The following ITPR1 variants were observed in gnomAD, a reference collection of about 807,000 sequenced individuals.
ITPR1 encodes inositol 1,4,5-trisphosphate receptor type 1, also known as inositol 1,4,5-trisphosphate-gated calcium channel ITPR1.
ITPR1 carries 96 observed loss-of-function variants against 318.4 expected under a neutral mutation model. The observed-to-expected ratio is 0.30, with a 90% CI of 0.26 to 0.36. ITPR1 has a LOEUF of 0.36. Ranked by LOEUF, ITPR1 falls within the 10% of genes least tolerant of loss-of-function variation. The pLI, the probability that ITPR1 is intolerant of heterozygous loss-of-function variation, is 1.00. For missense variants in ITPR1, 2,440 were observed against 3,460.2 expected (o/e 0.71, Z 7.40); for synonymous variants, 1,312 against 1,289.9 (o/e 1.02, Z -0.37).
At position 4,766,510 on chromosome 3, in the gene ITPR1, CTA is replaced by C; in HGVS notation, c.5545-18_5545-17del. On this transcript the variant is annotated intron_variant, in intron 44 of 61. Coordinates refer to ENST00000649015, the MANE Select transcript of ITPR1 (RefSeq NM_001378452.1). ...TCTGGTCAGTTACAGTGTTCACAAT[CTA>C]TGGATTTTCCTTTGCAGCACTCCTT... 1 of 1,610,882 alleles carries C rather than the reference CTA, an allele frequency of 6.2e-7. No homozygotes were observed. The highest frequency in any genetic ancestry group is 8.5e-7 in the Non-Finnish European group (1 of 1,177,504).
intron 12 of ITPR1, among the ~76,000 whole-genome samples, chr3:4,656,689 C>A (rs1406647764): frequency 6.6e-6 from 1 of 152,244 alleles, no homozygotes; most frequent in African/African-American, 2.4e-5. Context: ...CAGGCTCTCT[C>A]CTTTGCCTTT....
chr3:4,570,941 T>A (rs558827206), intron 4 of ITPR1, among the ~76,000 whole-genome samples: 1 of 152,338 alleles, frequency 6.6e-6, no homozygotes, highest in African/African-American at 2.4e-5. Context: ...TGATCTTGGG[T>A]GAGCTTACCC....
intron 51 of ITPR1, among the ~76,000 whole-genome samples, chr3:4,784,851 C>T (rs917214350): frequency 2.0e-5 from 3 of 151,646 alleles, no homozygotes; most frequent in East Asian, 1.9e-4. Context: ...GGGCCAAGAT[C>T]GCACCACTGC....
At chr3:4,729,990 G>A (rs2125313006) in intron 42 of ITPR1, among the ~76,000 whole-genome samples, 1 of 150,202 alleles carries the variant, frequency 6.7e-6, no homozygotes, top group East Asian at 2.0e-4. Flanking sequence ...GAACAGCTTA[G>A]TGCTGTTGAG....
intron 12 of ITPR1, among the ~76,000 whole-genome samples, chr3:4,655,687 A>G (rs753201072): frequency 1.1e-4 from 16 of 152,180 alleles, no homozygotes; most frequent in East Asian, 1.9e-4. Context: ...AGGCTCCCTC[A>G]GAGTTCAGTG....
intron 43 of ITPR1, 23 bp from the exon 44 acceptor site, chr3:4,735,141 A>G: frequency 6.3e-7 from 1 of 1,599,010 alleles, no homozygotes; most frequent in Non-Finnish European, 8.6e-7. Context: ...GTGCTTAGTA[A>G]AAACAATATT....
At chr3:4,578,258 C>CG (rs1478620391) in intron 4 of ITPR1, among the ~76,000 whole-genome samples, 14 of 152,090 alleles carry the variant, frequency 9.2e-5, no homozygotes, top group African/African-American at 3.4e-4. Flanking sequence ...CTATAGAAAA[C>CG]ATTTTTTTTC....
chr3:4,530,237 G>T (rs2083302286), intron 4 of ITPR1, among the ~76,000 whole-genome samples: 1 of 152,178 alleles, frequency 6.6e-6, no homozygotes, highest in Non-Finnish European at 1.5e-5. Context: ...CTCCTCGCCA[G>T]ATTTTGGAGC....
At chr3:4,840,131 A>T (rs1176549995) in intron 61 of ITPR1, among the ~76,000 whole-genome samples, 1 of 148,186 alleles carries the variant, frequency 6.7e-6, no homozygotes, top group Non-Finnish European at 1.5e-5. Flanking sequence ...AACGTCCTAC[A>T]AACCTTTAAT....
chr3:4,805,589 T>C (rs896965531), intron 54 of ITPR1, among the ~76,000 whole-genome samples: 3 of 152,250 alleles, frequency 2.0e-5, no homozygotes, highest in South Asian at 2.1e-4. Flanking sequence ...ATATTTTTTT[T>C]CCCCCAAGAA....
chr3:4,799,862 C>G (rs56156457), intron 53 of ITPR1: 2 of 152,362 alleles, frequency 1.3e-5, no homozygotes, highest in Non-Finnish European at 2.9e-5. Flanking sequence ...CTGATTCAGG[C>G]AGGGGACCTG....
At chr3:4,609,780 G>A (rs1421743993) in intron 4 of ITPR1, among the ~76,000 whole-genome samples, 3 of 152,170 alleles carry the variant, frequency 2.0e-5, no homozygotes, top group African/African-American at 7.2e-5. Flanking sequence ...GGGTCACCAC[G>A]TATTCAATGG....
chr3:4,626,921 C>A (rs368417159), intron 4 of ITPR1, among the ~76,000 whole-genome samples: 1 of 152,064 alleles, frequency 6.6e-6, no homozygotes, highest in Non-Finnish European at 1.5e-5. Flanking sequence ...CAGTTTCAAG[C>A]GATTCTTGTG....
At chr3:4,592,245 G>A (rs949004027) in intron 4 of ITPR1, among the ~76,000 whole-genome samples, 1 of 152,172 alleles carries the variant, frequency 6.6e-6, no homozygotes, top group African/African-American at 2.4e-5. Context: ...ATTCAGTCCC[G>A]CATACAAACT....
intron 4 of ITPR1, among the ~76,000 whole-genome samples, chr3:4,569,085 A>G (rs1220356416): frequency 6.6e-6 from 1 of 152,148 alleles, no homozygotes; most frequent in Non-Finnish European, 1.5e-5. Context: ...TGAGGATCAC[A>G]TTTCAGCATG....
At chr3:4,605,969 G>T (rs981308782) in intron 4 of ITPR1, among the ~76,000 whole-genome samples, 2 of 152,098 alleles carry the variant, frequency 1.3e-5, no homozygotes, top group African/African-American at 4.8e-5. Context: ...TCTTAGCTTT[G>T]GCTGTCAGGT....
chr3:4,829,965 T>TTTG (rs2050353758), intron 60 of ITPR1, among the ~76,000 whole-genome samples: 1 of 100,670 alleles, frequency 9.9e-6, no homozygotes, highest in African/African-American at 3.1e-5. Context: ...TTTTTTTTTT[T>TTTG]TTTTTTTTTT....
intron 4 of ITPR1, among the ~76,000 whole-genome samples, chr3:4,541,935 T>A (rs1438662163): frequency 6.6e-6 from 1 of 152,214 alleles, no homozygotes; most frequent in Admixed American, 6.5e-5. Flanking sequence ...CTTTAGGCTA[T>A]TTTTTAATCT....
intron 61 of ITPR1, among the ~76,000 whole-genome samples, chr3:4,838,547 A>C (rs1279192055): frequency 1.3e-5 from 2 of 151,666 alleles, no homozygotes; most frequent in African/African-American, 4.8e-5. Flanking sequence ...ATTAGGTGCC[A>C]AAAAATCTTA....
Sources: allele counts gnomAD v4.1 joint callset (sites outside exome capture counted in the v4.1 genomes callset), GRCh38; gene constraint gnomAD v4.1.1; transcripts MANE v1.5; gene names NCBI Gene and HGNC (gene_info 2026-07-23, HGNC 2026-07-21).